The following TOM1 variants were observed in gnomAD, a reference collection of about 807,000 sequenced individuals.
TOM1 encodes the protein target of myb1 membrane trafficking protein, also known as target of Myb protein 1.
In TOM1, 38 loss-of-function variants were observed where a neutral mutation model predicts 61.3. That is an observed-to-expected ratio of 0.62 (90% CI 0.48 to 0.81). The LOEUF (loss-of-function observed/expected upper bound fraction) is 0.81, where lower values mean the gene tolerates loss of function less well. Among genes scored for constraint, TOM1 ranks in the 40% least tolerant of loss-of-function variants. The pLI is 0.00. For synonymous variants in TOM1, 270 were observed against 268.8 expected (o/e 1.00, Z -0.04); for missense variants, 591 against 659.6 (o/e 0.90, Z 1.14).
intron 6 of TOM1, among the ~76,000 whole-genome samples, chr22:35,327,025 C>T (rs1928384307): frequency 6.6e-6 from 1 of 152,178 alleles, no homozygotes; most frequent in Admixed American, 6.5e-5. Context: ...CACGTGGTGG[C>T]TCATTCCGGT....
intron 7 of TOM1, among the ~76,000 whole-genome samples, chr22:35,329,247 G>A (rs992199855): frequency 3.3e-5 from 5 of 152,108 alleles, no homozygotes; most frequent in African/African-American, 1.2e-4. Context: ...CGAGCCACCG[G>A]GTGTAGCCAT....
intron 12 of TOM1, 54 bp from the exon 13 acceptor site, chr22:35,345,671 C>T (rs946535967): frequency 1.8e-5 from 28 of 1,582,058 alleles, no homozygotes; most frequent in Middle Eastern, 1.7e-4. Context: ...TGAGCTGGCA[C>T]GTCTTCCACC....
intron 1 of TOM1, among the ~76,000 whole-genome samples, chr22:35,311,599 C>T (rs913974978): frequency 3.9e-5 from 6 of 152,250 alleles, no homozygotes; most frequent in Non-Finnish European, 7.3e-5. Flanking sequence ...GTAATGCCCC[C>T]CTCTGCTCTG....
At chr22:35,308,200 G>A (rs1926495537) in intron 1 of TOM1, among the ~76,000 whole-genome samples, 1 of 151,262 alleles carries the variant, frequency 6.6e-6, no homozygotes, top group Non-Finnish European at 1.5e-5. Flanking sequence ...TTCCTTAAGC[G>A]CTCGCTCTTT....
chr22:35,308,531 C>G (rs1473837307), intron 1 of TOM1, among the ~76,000 whole-genome samples: 2 of 152,142 alleles, frequency 1.3e-5, no homozygotes, highest in Non-Finnish European at 2.9e-5. Context: ...ATCCTCCCGC[C>G]TTGGCCTCTC....
In TOM1 at chr22:35,334,350, A is replaced by G. The variant is rs758331810; in HGVS notation, c.1050A>G (p.Arg350=). 1 of 1,614,012 alleles carries G rather than the reference A, an allele frequency of 6.2e-7. No individual in the cohort carries two copies. Among genetic ancestry groups the G allele is most frequent in the Non-Finnish European group, 8.5e-7 (1 of 1,179,934 alleles). The part of the protein sequence containing the change: ...AGMNLGSSSV[R]AGLQSLEASG... Reference sequence around the variant, plus strand: ...CAGACCTGGGCTCCAGCAGTGTGAGAGCTGGCCTGCAGTCTCTGGAGGCCT... The same window carrying G: ...CAGACCTGGGCTCCAGCAGTGTGAGGGCTGGCCTGCAGTCTCTGGAGGCCT... The change falls in exon 11 of 15, where the codon AGA becomes AGG. Residue 350 remains arginine, a synonymous_variant. Coordinates refer to ENST00000449058, the MANE Select transcript of TOM1 (RefSeq NM_005488.3).
chr22:35,333,087 C>A (rs1389625841), intron 9 of TOM1, 73 bp downstream of exon 9: 2 of 1,503,842 alleles, frequency 1.3e-6, no homozygotes, highest in Admixed American at 1.7e-5. Context: ...TCACCTCCCT[C>A]CCCTAGTAAA....
At chr22:35,306,041 G>A (rs1926305486) in intron 1 of TOM1, among the ~76,000 whole-genome samples, 1 of 152,162 alleles carries the variant, frequency 6.6e-6, no homozygotes, top group Admixed American at 6.5e-5. Context: ...TAGGCCATAG[G>A]TAAATGAATG....
At chr22:35,328,803 C>T (rs1386728134) in intron 7 of TOM1, among the ~76,000 whole-genome samples, 2 of 152,366 alleles carry the variant, frequency 1.3e-5, no homozygotes, top group East Asian at 1.9e-4. Context: ...GAAAGGCGTG[C>T]TGGCGTGAGG....
chr22:35,342,687 C>A lies in TOM1; in HGVS notation c.1225-3038C>A, dbSNP rs114222736. On this transcript the variant is annotated intron_variant, in intron 12 of 14. Transcript: ENST00000449058. ...GGGTACCACAATACCTGCCTCATCC[C>A]TCTACACCAGCCGCCACATCCACCA... Among the ~76,000 whole-genome samples, 1,116 of 151,874 alleles carry A rather than the reference C, an allele frequency of 7.3e-3. 8 individuals carry two copies. Among genetic ancestry groups the A allele is most frequent in the African/African-American group, 0.026 (1,064 of 41,338 alleles).
chr22:35,319,234 G>A (rs1927565017), intron 2 of TOM1, among the ~76,000 whole-genome samples: 1 of 152,212 alleles, frequency 6.6e-6, no homozygotes, highest in Non-Finnish European at 1.5e-5. Flanking sequence ...GGGACAGCAA[G>A]CCCCCATGTC....
intron 12 of TOM1, 52 bp downstream of exon 12, chr22:35,338,840 G>T: frequency 6.8e-7 from 1 of 1,475,014 alleles, no homozygotes; most frequent in South Asian, 1.3e-5. Context: ...AGGAGGTGAG[G>T]GAATGCTCAC....
intron 11 of TOM1, among the ~76,000 whole-genome samples, chr22:35,335,026 G>A (rs1381902746): frequency 1.3e-5 from 2 of 152,136 alleles, no homozygotes; most frequent in South Asian, 2.1e-4. Flanking sequence ...CCTGTGCACC[G>A]TGCATTTTCA....
intron 7 of TOM1, among the ~76,000 whole-genome samples, chr22:35,329,197 C>T (rs948204125): frequency 6.6e-6 from 1 of 152,194 alleles, no homozygotes; most frequent in Non-Finnish European, 1.5e-5. Flanking sequence ...CTCAGGTGAT[C>T]CACCCGCCTC....
chr22:35,333,696 C>G (rs1929035254), intron 10 of TOM1, among the ~76,000 whole-genome samples, 199 bp downstream of exon 10: 2 of 152,154 alleles, frequency 1.3e-5, no homozygotes, highest in South Asian at 4.1e-4. Context: ...AAGTCCTGAG[C>G]CGCCTTGGAT....
chr22:35,310,868 A>G (rs918819065), intron 1 of TOM1, among the ~76,000 whole-genome samples: 2 of 152,180 alleles, frequency 1.3e-5, no homozygotes, highest in Admixed American at 1.3e-4. Flanking sequence ...CAACAGAGTT[A>G]TTTTAATCAC....
chr22:35,347,232 G>T lies in TOM1; in HGVS notation c.*23G>T, dbSNP rs1209539884. 1.3e-6 allele frequency: 2 copies of T among 1,576,600 alleles called. No individual in the cohort carries two copies. Among genetic ancestry groups the T allele is most frequent in the East Asian group, 2.3e-5 (1 of 44,358 alleles). On this transcript the variant is annotated 3_prime_UTR_variant, in exon 15 of 15. Coordinates refer to ENST00000449058, the MANE Select transcript of TOM1 (RefSeq NM_005488.3). ...TGAGTGTGGGGTCTGGCACCCTGCA[G>T]CCCAGGTCCCCACTGCTCTCACACC...
rs775683778 is a variant in TOM1 at position 35,322,053 on chromosome 22, G to C, written c.216+16G>C. The stretch of plus-strand genomic sequence containing the variant: ...GGCTCTCACAGTGAGTGCCCCATCT[G>C]TCTGTCCTGTGGCAGGACTACGGTC... On this transcript the variant is annotated intron_variant, in intron 3 of 14. Coordinates refer to ENST00000449058, the MANE Select transcript of TOM1 (RefSeq NM_005488.3). The C allele has an allele frequency of 3.1e-6, 5 of 1,612,430 alleles. No homozygotes were observed. The South Asian group carries it at 5.5e-5, about 18-fold the overall frequency.
At chr22:35,309,055 A>G (rs535165485) in intron 1 of TOM1, among the ~76,000 whole-genome samples, 21 of 152,324 alleles carry the variant, frequency 1.4e-4, no homozygotes, top group African/African-American at 4.3e-4. Context: ...TAGCTTCTGC[A>G]TATTTGTGAT....
Sources: allele counts gnomAD v4.1 joint callset (sites outside exome capture counted in the v4.1 genomes callset), GRCh38; gene constraint gnomAD v4.1.1; transcripts MANE v1.5; gene names NCBI Gene and HGNC (gene_info 2026-07-23, HGNC 2026-07-21).